PTGES3: variants seen among roughly 807,000 people sequenced by gnomAD.
The protein encoded by PTGES3 is prostaglandin E synthase 3.
In PTGES3, 5 loss-of-function variants were observed where a neutral mutation model predicts 29.9. The ratio of observed to expected loss-of-function variants is 0.17; its 90% CI spans 0.09 to 0.35. PTGES3 has a LOEUF of 0.35. Among genes scored for constraint, PTGES3 ranks in the 10% least tolerant of loss-of-function variants. The probability of loss-of-function intolerance (pLI) is 1.00; values close to 1 mark genes in which losing one functional copy is unlikely to be tolerated. For synonymous variants in PTGES3, 49 were observed against 57.8 expected, an observed-to-expected ratio of 0.85 and a Z score of 0.69; for missense variants, 128 against 190.0, an observed-to-expected ratio of 0.67 and a Z score of 1.92.
chr12:56,677,912 C>T (rs546243318), intron 1 of PTGES3, among the ~76,000 whole-genome samples: 10 of 152,222 alleles, frequency 6.6e-5, no homozygotes, highest in African/African-American at 2.4e-4. Context: ...CATCTTGGCA[C>T]ATGATTTGGT....
chr12:56,680,719 A>G (rs1461400802), intron 1 of PTGES3, among the ~76,000 whole-genome samples: 1 of 151,728 alleles, frequency 6.6e-6, no homozygotes, highest in Admixed American at 6.6e-5. Flanking sequence ...ATATGTGTTT[A>G]TTCCTGATTC....
intron 5 of PTGES3, among the ~76,000 whole-genome samples, chr12:56,666,597 A>G (rs756808790): frequency 9.2e-5 from 14 of 152,156 alleles, no homozygotes; most frequent in Non-Finnish European, 2.1e-4. Context: ...TTGCACAGCT[A>G]TCTATCTTAA....
At chr12:56,670,240 T>G (rs771002505) in intron 5 of PTGES3, 35 bp downstream of exon 5, 1 of 1,427,222 alleles carries the variant, frequency 7.0e-7, no homozygotes, top group Non-Finnish European at 9.9e-7. Context: ...TACCGTGTGC[T>G]TCGAATGGGG....
chr12:56,687,042 C>T (rs1952904142), intron 1 of PTGES3: 1 of 393,194 alleles, frequency 2.5e-6, no homozygotes, highest in African/African-American at 2.1e-5. Flanking sequence ...CCTGTAAAAC[C>T]GGCAGTTCCC....
chr12:56,663,610 A>T lies in PTGES3; in HGVS notation c.*869T>A, dbSNP rs1592231909. On this transcript the variant is annotated 3_prime_UTR_variant, in exon 8 of 8. Transcript: ENST00000262033. ...AAGGACAGCCAAGAAGTCTTCCAAC[A>T]GTTTATTAGAAAGAATGTAGACATT... 6.5e-6 allele frequency: 1 copy of T among 152,778 alleles called. No individual in the cohort carries two copies. The allele number at this position is 152,778 out of a possible 1,614,324, so 9.5% of individuals were successfully genotyped here. A position where few individuals can be genotyped will look rare whatever the true frequency, so the allele number is the denominator to read the frequency against.
chr12:56,674,581 C>T (rs1298373211), intron 1 of PTGES3, among the ~76,000 whole-genome samples: 1 of 151,948 alleles, frequency 6.6e-6, no homozygotes. Context: ...AATCCCAGCA[C>T]TTTGGGAGGC....
At chr12:56,674,508 C>A (rs9989034) in intron 1 of PTGES3, among the ~76,000 whole-genome samples, 1 of 151,242 alleles carries the variant, frequency 6.6e-6, no homozygotes, top group African/African-American at 2.4e-5. Flanking sequence ...CTGACCAACA[C>A]GGAGAAACTC....
At chr12:56,673,846 C>T (rs1952108898) in intron 1 of PTGES3, among the ~76,000 whole-genome samples, 1 of 150,776 alleles carries the variant, frequency 6.6e-6, no homozygotes, top group African/African-American at 2.4e-5. Context: ...GCCTGTAGTC[C>T]CAGATACTTG....
At chr12:56,676,284 A>C (rs184441300) in intron 1 of PTGES3, among the ~76,000 whole-genome samples, 7 of 151,868 alleles carry the variant, frequency 4.6e-5, no homozygotes, top group East Asian at 3.9e-4. Context: ...TTCTGACAGA[A>C]GGCTTATTTT....
chr12:56,675,460 C>T (rs1325480494), intron 1 of PTGES3, among the ~76,000 whole-genome samples: 7 of 145,696 alleles, frequency 4.8e-5, no homozygotes, highest in South Asian at 4.3e-4. Flanking sequence ...ACACAGGAGG[C>T]GGAAGTTGCA....
At chr12:56,685,387 ATTTTTTCTTTTCTTTT>A (rs1282545541) in intron 1 of PTGES3, among the ~76,000 whole-genome samples, 2 of 126,586 alleles carry the variant, frequency 1.6e-5, no homozygotes, top group African/African-American at 6.2e-5. Context: ...TGAAGGTAGC[ATTTTTTCTTTTCTTTT>A]TTTTTTTTTT....
intron 7 of PTGES3, 43 bp downstream of exon 7, chr12:56,664,733 T>C (rs754579273): frequency 4.5e-6 from 7 of 1,562,596 alleles, no homozygotes; most frequent in Admixed American, 2.0e-5. Flanking sequence ...TGTTTTTTGA[T>C]GCAAAGTATC....
chr12:56,665,242 GTAGTT>G, intron 6 of PTGES3: 2 of 874,866 alleles, frequency 2.3e-6, no homozygotes, highest in Non-Finnish European at 2.7e-6. Context: ...GTTGAGAAAA[GTAGTT>G]TAGTGTATCT....
rs985979100 is a variant in PTGES3, at chr12:56,685,403, T to C, written c.2+2595A>G. Among the ~76,000 whole-genome samples, 63 of 20,604 alleles carry C rather than the reference T, an allele frequency of 3.1e-3. 1 individual carries two copies. Among genetic ancestry groups the C allele is most frequent in the African/African-American group, 5.8e-3 (50 of 8,614 alleles). 13.5% of individuals were successfully genotyped at this position (20,604 alleles called of 152,430 possible). Reference sequence around the variant, plus strand: ...GAAGGTAGCATTTTTTCTTTTCTTTTTTTTTTTTTTTTTTTTTAAGACAGT... The same window carrying C: ...GAAGGTAGCATTTTTTCTTTTCTTTCTTTTTTTTTTTTTTTTTAAGACAGT... On this transcript the variant is annotated intron_variant, in intron 1 of 7. Coordinates refer to ENST00000262033, the MANE Select transcript of PTGES3 (RefSeq NM_006601.7).
At chr12:56,664,944 G>A in intron 6 of PTGES3, 144 bp from the exon 7 acceptor site, 6 of 1,410,686 alleles carry the variant, frequency 4.3e-6, no homozygotes, top group Non-Finnish European at 5.6e-6. Context: ...TTTAGTCATT[G>A]GACTTGACTA....
In PTGES3 at chr12:56,671,780, G is replaced by A. The variant is rs1952015998; in HGVS notation, c.254C>T (p.Ser85Leu). Residue 85 changes from serine (S) to leucine (L), a missense_variant, in exon 4 of 8, where the codon TCA becomes TTA. Ser to Leu is a moderately radical substitution (Grantham distance 145, BLOSUM62 -2). Transcript: ENST00000262033. ...CCLRKGESGQ[S>L]WPRLTKERAK... ...CCTTTCTTTTGTTAACCTTGGCCAT[G>A]ACTGGCCAGATTCTCCTTTTCGTAA... The A allele has an allele frequency of 3.2e-6, 5 of 1,574,370 alleles. No homozygotes were observed. The highest frequency in any genetic ancestry group is 4.3e-6 in the Non-Finnish European group (5 of 1,159,162).
At chr12:56,678,768 T>G (rs1173425110) in intron 1 of PTGES3, among the ~76,000 whole-genome samples, 1 of 152,184 alleles carries the variant, frequency 6.6e-6, no homozygotes, top group African/African-American at 2.4e-5. Flanking sequence ...CAAAATGTAA[T>G]TGCTTGGATT....
chr12:56,680,524 TA>T (rs2137691356), intron 1 of PTGES3, among the ~76,000 whole-genome samples: 1 of 152,230 alleles, frequency 6.6e-6, no homozygotes, highest in African/African-American at 2.4e-5. Flanking sequence ...TAGCTGGGGT[TA>T]CAGGCATGTG....
chr12:56,675,520 CCAA>C (rs1302063745), intron 1 of PTGES3, among the ~76,000 whole-genome samples: 2 of 95,520 alleles, frequency 2.1e-5, no homozygotes, highest in African/African-American at 1.6e-4. Flanking sequence ...CAGAATGAGA[CCAA>C]AAAAAAAAAA....
Sources: gnomAD v4.1 joint callset for allele counts (sites outside exome capture counted in the v4.1 genomes callset) on GRCh38, gnomAD v4.1.1 for gene constraint, MANE v1.5 for transcripts, NCBI Gene and HGNC (gene_info 2026-07-23, HGNC 2026-07-21) for gene names.